The following MCF2 variants were observed in gnomAD, a reference collection of about 807,000 sequenced individuals.
MCF2 encodes MCF.2 cell line derived transforming sequence, also known as proto-oncogene DBL.
In MCF2, 44 loss-of-function variants were observed where a neutral mutation model predicts 82.5. That is an observed-to-expected ratio of 0.53 (90% CI 0.42 to 0.69). The LOEUF (loss-of-function observed/expected upper bound fraction) is 0.69, where lower values mean the gene tolerates loss of function less well. MCF2 is among the 30% of genes least tolerant of loss of function. The pLI is 0.00. For synonymous variants in MCF2, 217 were observed against 224.9 expected, an observed-to-expected ratio of 0.96 and a Z score of 0.32; for missense variants, 623 against 663.1, an observed-to-expected ratio of 0.94 and a Z score of 0.66.
chrX:139,692,935 G>A (rs150509612), intron 1 of MCF2, among the ~76,000 whole-genome samples: 1 of 112,482 alleles, frequency 8.9e-6, no homozygotes, highest in African/African-American at 3.2e-5. Context: ...CTCCTGTATA[G>A]ACACTTGAGC....
At chrX:139,629,038 A>G (rs374856642) in intron 4 of MCF2, among the ~76,000 whole-genome samples, 29 of 112,264 alleles carry the variant, frequency 2.6e-4, no homozygotes, top group African/African-American at 8.4e-4. Context: ...CTCCTCAAAA[A>G]TAAAAAATAC....
At chrX:139,635,663 AT>A (rs67638609) in intron 1 of MCF2, among the ~76,000 whole-genome samples, 5,513 of 110,378 alleles carry the variant, frequency 0.05, 147 homozygotes, top group Non-Finnish European at 0.077. Context: ...CCGAAAAAAA[AT>A]ATATATATAT....
chrX:139,631,228 A>G (rs761713299), intron 3 of MCF2, among the ~76,000 whole-genome samples, 167 bp downstream of exon 6: 1 of 111,659 alleles, frequency 9.0e-6, no homozygotes, highest in African/African-American at 3.2e-5. Context: ...ATGGAAGAAA[A>G]CCAAGATGTT....
At chrX:139,645,572 A>AT (rs1933775041), upstream of MCF2, 1 of 1,174,301 alleles carries the variant, frequency 8.5e-7, no homozygotes, top group Non-Finnish European at 1.2e-6. Context: ...ACTTACCGAG[A>AT]TTTTTTGGAG....
intron 1 of MCF2, among the ~76,000 whole-genome samples, chrX:139,671,551 C>A (rs1444356884): frequency 1.8e-5 from 2 of 111,564 alleles, no homozygotes; most frequent in Non-Finnish European, 3.8e-5. Context: ...GTTTTCCCAG[C>A]ACCATTTATT....
intron 1 of MCF2, among the ~76,000 whole-genome samples, chrX:139,694,230 G>T (rs896729002): frequency 9.0e-6 from 1 of 110,971 alleles, no homozygotes; most frequent in Non-Finnish European, 1.9e-5. Context: ...CAATATAAAA[G>T]AATGTTTTCT....
intron 1 of MCF2, among the ~76,000 whole-genome samples, chrX:139,694,757 C>T (rs2148580482): frequency 9.0e-6 from 1 of 110,823 alleles, no homozygotes; most frequent in South Asian, 3.8e-4. Flanking sequence ...ACATGACAAA[C>T]AATAGCAGAT....
chrX:139,587,076 C>G (rs984610955), intron 22 of MCF2, among the ~76,000 whole-genome samples: 2 of 111,922 alleles, frequency 1.8e-5, no homozygotes, highest in African/African-American at 3.2e-5. Context: ...TCTAATAAGT[C>G]ATTCAATGAT....
At position 139,700,289 on chromosome X, in the gene MCF2, C is replaced by T. The variant is rs1216760202; in HGVS notation, c.-45+7817G>A. Among the ~76,000 whole-genome samples the T allele has an allele frequency of 4.5e-5, 5 of 111,053 alleles. No individual in the cohort carries two copies. In the East Asian group the frequency reaches 8.5e-4, roughly 19 times the overall value. Reference sequence around the variant, plus strand: ...TTTCCATCCAAGCCAGATTTCTTTTCTTAGGAGCCTACCCCTCCTGTGATA... The same window carrying T: ...TTTCCATCCAAGCCAGATTTCTTTTTTTAGGAGCCTACCCCTCCTGTGATA... On this transcript the variant is annotated intron_variant, in intron 1 of 27. Coordinates refer to the MCF2 transcript ENST00000414978.
At chrX:139,619,888 G>A (rs1208186555) in intron 6 of MCF2, among the ~76,000 whole-genome samples, 182 bp from the exon 10 acceptor site, 1 of 109,735 alleles carries the variant, frequency 9.1e-6, no homozygotes, top group Non-Finnish European at 1.9e-5. Flanking sequence ...AGATATCAAT[G>A]TGTACTCTTG....
chrX:139,587,577 T>C (rs1929086347), intron 22 of MCF2, 139 bp downstream of exon 26: 1 of 452,148 alleles, frequency 2.2e-6, no homozygotes, highest in Non-Finnish European at 3.8e-6. Flanking sequence ...CCTCAGAAAA[T>C]GATGTTTATG....
chrX:139,646,260 A>G (rs895543660), upstream of MCF2, among the ~76,000 whole-genome samples: 1 of 106,556 alleles, frequency 9.4e-6, no homozygotes, highest in African/African-American at 3.5e-5. Flanking sequence ...GTTAGTAACT[A>G]GAAAATTCTT....
intron 1 of MCF2, among the ~76,000 whole-genome samples, chrX:139,689,229 C>T (rs975637839): frequency 1.8e-5 from 2 of 112,166 alleles, no homozygotes; most frequent in South Asian, 7.5e-4. Flanking sequence ...AGTCTTCTTC[C>T]TCTCCACGGC....
chrX:139,594,880 GA>G (rs1452300373), intron 19 of MCF2, among the ~76,000 whole-genome samples: 4 of 110,960 alleles, frequency 3.6e-5, no homozygotes, highest in Non-Finnish European at 7.5e-5. Context: ...AAATTTACAA[GA>G]AAAAAACAAA....
At chrX:139,684,184 T>G (rs949853356) in intron 1 of MCF2, among the ~76,000 whole-genome samples, 2 of 112,230 alleles carry the variant, frequency 1.8e-5, no homozygotes, top group Non-Finnish European at 3.8e-5. Context: ...ATGTAGACAT[T>G]TATCCAAAGA....
At chrX:139,585,273 A>G in intron 23 of MCF2, 95 bp from the exon 28 acceptor site, 1 of 515,594 alleles carries the variant, frequency 1.9e-6, no homozygotes, top group Non-Finnish European at 3.2e-6. Flanking sequence ...AAAAAGTTGA[A>G]TTTAAAAAAA....
chrX:139,584,449 G>A (rs1032153396), intron 24 of MCF2, among the ~76,000 whole-genome samples: 2 of 111,233 alleles, frequency 1.8e-5, no homozygotes, highest in Non-Finnish European at 3.8e-5. Flanking sequence ...TAGAAAAGTA[G>A]GGATTTACTC....
At chrX:139,638,401 G>A (rs185780824) in intron 1 of MCF2, among the ~76,000 whole-genome samples, 1 of 111,266 alleles carries the variant, frequency 9.0e-6, no homozygotes, top group African/African-American at 3.3e-5. Flanking sequence ...TGTGAAGTAG[G>A]CTTAATTAAA....
rs1445051637 is a variant in MCF2 at position 139,594,827 on chromosome X, C to T, written c.2277+1722G>A. ...GGAGAAAATTTTCGCAACCTACTCA[C>T]CTGACAAAGGGCTAATATCCAGAAT... On this transcript the variant is annotated intron_variant, in intron 19 of 24. Coordinates refer to ENST00000370576, the Ensembl canonical transcript of MCF2. Among the ~76,000 whole-genome samples the T allele has an allele frequency of 9.9e-5, 11 of 111,032 alleles. No individual in the cohort carries two copies. In the East Asian group the frequency reaches 2.0e-3, roughly 20 times the overall value.
Sources: gnomAD v4.1 joint callset for allele counts (sites outside exome capture counted in the v4.1 genomes callset) on GRCh38, gnomAD v4.1.1 for gene constraint, MANE v1.5 for transcripts, NCBI Gene and HGNC (gene_info 2026-07-23, HGNC 2026-07-21) for gene names.